TNRC6A: variants seen among roughly 807,000 people sequenced by gnomAD.
TNRC6A encodes the protein trinucleotide repeat containing adaptor 6A.
TNRC6A carries 44 observed loss-of-function variants against 221.2 expected under a neutral mutation model. That is an observed-to-expected ratio of 0.20 (90% CI 0.16 to 0.26). TNRC6A has a LOEUF of 0.26. Among genes scored for constraint, TNRC6A ranks in the 10% least tolerant of loss-of-function variants. TNRC6A has a pLI of 1.00. For missense variants in TNRC6A, 2,199 were observed against 2,404.4 expected (o/e 0.91, Z 1.79); for synonymous variants, 847 against 838.5 (o/e 1.01, Z -0.18).
chr16:24,740,931 A>G lies in TNRC6A; in HGVS notation c.54-9795A>G, dbSNP rs147566618. 9.2e-5 allele frequency among the ~76,000 whole-genome samples: 14 copies of G among 152,316 alleles called. No individual in the cohort carries two copies. The East Asian group carries it at 2.7e-3, about 29-fold the overall frequency. On this transcript the variant is annotated intron_variant, in intron 2 of 24. Coordinates refer to ENST00000395799, the MANE Select transcript of TNRC6A (RefSeq NM_014494.4). ...GTGACTGGCTTATTTCACTTAGCATAGTGTCCTCAAGATTTGTCCATATTG... is the reference window on the plus strand; with the variant it reads ...GTGACTGGCTTATTTCACTTAGCATGGTGTCCTCAAGATTTGTCCATATTG...
At chr16:24,651,933 TAA>T (rs1328236239) in intron 2 of TNRC6A, among the ~76,000 whole-genome samples, 14 of 129,800 alleles carry the variant, frequency 1.1e-4, no homozygotes, top group Admixed American at 3.2e-4. Context: ...ACCCCCTCTC[TAA>T]AAAAAAAAAA....
chr16:24,706,527 C>T (rs1316732739), intron 2 of TNRC6A, among the ~76,000 whole-genome samples: 6 of 151,668 alleles, frequency 4.0e-5, no homozygotes, highest in South Asian at 2.1e-4. Context: ...CTGTCTAACA[C>T]GGTGAAACCC....
At chr16:24,796,806 T>A (rs555570683) in intron 9 of TNRC6A, among the ~76,000 whole-genome samples, 2 of 152,098 alleles carry the variant, frequency 1.3e-5, no homozygotes, top group South Asian at 4.2e-4. Context: ...GAGACATAGA[T>A]CTCTATGGCT....
chr16:24,694,066 G>A (rs551332148), intron 2 of TNRC6A, among the ~76,000 whole-genome samples: 36 of 152,302 alleles, frequency 2.4e-4, no homozygotes, highest in African/African-American at 7.5e-4. Context: ...AAGGGAGGAA[G>A]GGCAGAGCAG....
intron 4 of TNRC6A, among the ~76,000 whole-genome samples, chr16:24,759,154 A>G (rs556862984): frequency 6.6e-5 from 10 of 152,160 alleles, no homozygotes; most frequent in Non-Finnish European, 1.0e-4. Context: ...AAGAAATAAC[A>G]TGATGTGGCT....
intron 5 of TNRC6A, among the ~76,000 whole-genome samples, 156 bp downstream of exon 5, chr16:24,777,514 T>G (rs1379178496): frequency 6.6e-6 from 1 of 152,204 alleles, no homozygotes; most frequent in Non-Finnish European, 1.5e-5. Context: ...TGGGGAATCT[T>G]AGAATATTTC....
chr16:24,809,601 C>G, intron 18 of TNRC6A, 120 bp downstream of exon 18: 1 of 1,243,384 alleles, frequency 8.0e-7, no homozygotes, highest in Non-Finnish European at 1.0e-6. Context: ...TAGAACTTTT[C>G]CTCATTTAAA....
intron 3 of TNRC6A, among the ~76,000 whole-genome samples, chr16:24,751,268 TA>T (rs1390741681): frequency 6.6e-6 from 1 of 152,182 alleles, no homozygotes; most frequent in Non-Finnish European, 1.5e-5. Flanking sequence ...TTATATGTAA[TA>T]CAGAAATAGA....
intron 4 of TNRC6A, 54 bp from the exon 5 acceptor site, chr16:24,776,879 G>C: frequency 1.9e-6 from 3 of 1,559,964 alleles, no homozygotes; most frequent in Non-Finnish European, 2.6e-6. Context: ...GCTTACTTTG[G>C]AGGTACACTT....
intron 6 of TNRC6A, among the ~76,000 whole-genome samples, chr16:24,792,613 CTTTTTTTTTTTT>C (rs34670934): frequency 3.2e-4 from 18 of 56,518 alleles, no homozygotes; most frequent in South Asian, 1.2e-3. Flanking sequence ...ACATTTATGG[CTTTTTTTTTTTT>C]TTTTTTTTTT....
At chr16:24,757,691 A>G (rs1193930568) in intron 3 of TNRC6A, among the ~76,000 whole-genome samples, 1 of 152,244 alleles carries the variant, frequency 6.6e-6, no homozygotes, top group Non-Finnish European at 1.5e-5. Flanking sequence ...ATTGGAAGGC[A>G]GTGAAAGCAG....
At chr16:24,660,744 T>TC (rs1225742313) in intron 2 of TNRC6A, among the ~76,000 whole-genome samples, 6 of 134,248 alleles carry the variant, frequency 4.5e-5, no homozygotes, top group South Asian at 2.6e-4. Context: ...TTTTTCTTTT[T>TC]TTTTTTTTTT....
In TNRC6A at chr16:24,791,056, A is replaced by G. The variant is rs1388428577; in HGVS notation, c.2414A>G (p.Glu805Gly). Residue 805 changes from glutamate to glycine, a missense_variant, in exon 6 of 25, where the codon GAA becomes GGA. Coordinates refer to ENST00000395799, the MANE Select transcript of TNRC6A (RefSeq NM_014494.4). ...SKGSNCQGGW[E>G]DDSAATGMVK... ...GGCTCAAACTGCCAGGGGGGGTGGGAAGATGATTCTGCTGCTACAGGAATG... is the reference window on the plus strand; with the variant it reads ...GGCTCAAACTGCCAGGGGGGGTGGGGAGATGATTCTGCTGCTACAGGAATG... 1.3e-6 allele frequency: 2 copies of G among 1,599,064 alleles called. No homozygotes were observed. Among genetic ancestry groups the G allele is most frequent in the African/African-American group, 1.3e-5 (1 of 74,688 alleles).
At chr16:24,797,818 A>G in intron 10 of TNRC6A, 97 bp from the exon 11 acceptor site, 2 of 1,128,598 alleles carry the variant, frequency 1.8e-6, no homozygotes, top group Non-Finnish European at 1.2e-6. Flanking sequence ...ATCCACTTGA[A>G]TTTCACAGAT....
At chr16:24,750,629 T>C in intron 2 of TNRC6A, 97 bp from the exon 3 acceptor site, 1 of 1,341,502 alleles carries the variant, frequency 7.5e-7, no homozygotes, top group Non-Finnish European at 9.8e-7. Flanking sequence ...TGCCATGTCT[T>C]CTAATAAGAG....
intron 4 of TNRC6A, among the ~76,000 whole-genome samples, chr16:24,771,304 A>G (rs1167344994): frequency 1.3e-5 from 2 of 152,200 alleles, no homozygotes; most frequent in Non-Finnish European, 2.9e-5. Flanking sequence ...AGACCAAAAC[A>G]TTCGAGATGT....
chr16:24,645,834 CAAAAAAAAAAAAAA>C (rs36106864), intron 2 of TNRC6A, among the ~76,000 whole-genome samples: 14 of 26,642 alleles, frequency 5.3e-4, no homozygotes, highest in South Asian at 3.9e-3. Context: ...CCTGTATCTA[CAAAAAAAAAAAAAA>C]AAAAAAAAAA....
intron 2 of TNRC6A, among the ~76,000 whole-genome samples, chr16:24,703,546 C>CA (rs1232938350): frequency 6.6e-6 from 1 of 151,956 alleles, no homozygotes; most frequent in African/African-American, 2.4e-5. Context: ...GATCCCATCT[C>CA]AAAAAATAAA....
rs1265438261 is a variant in TNRC6A, at chr16:24,745,367, A to G, written c.54-5359A>G. On this transcript the variant is annotated intron_variant, in intron 2 of 24. Coordinates refer to ENST00000395799, the MANE Select transcript of TNRC6A (RefSeq NM_014494.4). ...TGGTGATTAATTTAGGTAGGAGGAT[A>G]AAAATGAGAAAAGGAATGGGGGGTG... 2.6e-5 allele frequency among the ~76,000 whole-genome samples: 4 copies of G among 152,194 alleles called. No homozygotes were observed. In the East Asian group the frequency reaches 7.7e-4, roughly 29 times the overall value.
Sources: allele counts gnomAD v4.1 joint callset (sites outside exome capture counted in the v4.1 genomes callset), GRCh38; gene constraint gnomAD v4.1.1; transcripts MANE v1.5; gene names NCBI Gene and HGNC (gene_info 2026-07-23, HGNC 2026-07-21).